TBX4: variants seen among roughly 807,000 people sequenced by gnomAD.
TBX4 encodes the protein T-box transcription factor 4, also known as T-box transcription factor TBX4.
TBX4 carries 13 observed loss-of-function variants against 54.6 expected under a neutral mutation model. The observed-to-expected ratio is 0.24, with a 90% confidence interval of 0.15 to 0.38. The LOEUF (loss-of-function observed/expected upper bound fraction) is 0.38, where lower values mean the gene tolerates loss of function less well. Ranked by LOEUF, TBX4 falls within the 10% of genes least tolerant of loss-of-function variation. The probability of loss-of-function intolerance (pLI) is 1.00; values close to 1 mark genes in which losing one functional copy is unlikely to be tolerated. For synonymous variants in TBX4, 314 were observed against 306.7 expected (o/e 1.02, Z -0.25); for missense variants, 631 against 728.5 (o/e 0.87, Z 1.54).
At chr17:61,477,429 C>A (rs756709998) in intron 5 of TBX4, among the ~76,000 whole-genome samples, 41 of 152,212 alleles carry the variant, frequency 2.7e-4, no homozygotes, top group Non-Finnish European at 5.4e-4. Context: ...CGCGGCAACC[C>A]GCCTCCCCCA....
chr17:61,458,406 A>C (rs544483331), intron 3 of TBX4, among the ~76,000 whole-genome samples: 45 of 152,102 alleles, frequency 3.0e-4, no homozygotes, highest in African/African-American at 9.2e-4. Flanking sequence ...AGACGCTGGC[A>C]AGTTCAGGTT....
At chr17:61,452,982 A>AGAT in intron 1 of TBX4, 1 of 985,466 alleles carries the variant, frequency 1.0e-6, no homozygotes, top group Non-Finnish European at 1.2e-6. Context: ...AAATCCGTGT[A>AGAT]GATATGTGAG....
Position 61,472,095 on chromosome 17 carries a change from G to A in TBX4, c.549+4438G>A, listed in dbSNP as rs1050063136. Among the ~76,000 whole-genome samples, 6 of 152,050 alleles carry A rather than the reference G, an allele frequency of 3.9e-5. No individual in the cohort carries two copies. Among genetic ancestry groups the A allele is most frequent in the South Asian group, 4.1e-4 (2 of 4,832 alleles). On this transcript the variant is annotated intron_variant, in intron 5 of 8. Transcript: ENST00000644296. This position sits in a 1 kb window ranked among gnomAD's most constrained non-coding sequence, Gnocchi z 4.5. The stretch of plus-strand genomic sequence containing the variant: ...GATTGTTTCAGAAATCATGTAGCCA[G>A]TTCTTGTTGAAGGAATTAGATGTTT...
In TBX4 at chr17:61,476,612, C is replaced by A. The variant is rs546794713; in HGVS notation, c.550-2015C>A. Reference sequence around the variant, plus strand: ...GACATCGAGGCCTCTCTGAGCGGGACCTGTGTCCTGTAGCCTCACTCTGCA... The same window carrying A: ...GACATCGAGGCCTCTCTGAGCGGGAACTGTGTCCTGTAGCCTCACTCTGCA... On this transcript the variant is annotated intron_variant, in intron 5 of 8. Coordinates refer to ENST00000644296, the MANE Select transcript of TBX4 (RefSeq NM_001321120.2). The surrounding 1 kb of genome is among the most constrained non-coding windows in gnomAD (Gnocchi z 6.5). Among the ~76,000 whole-genome samples, 5 of 152,262 alleles carry A rather than the reference C, an allele frequency of 3.3e-5. No homozygotes were observed. Among genetic ancestry groups the A allele is most frequent in the Non-Finnish European group, 7.3e-5 (5 of 68,050 alleles).
chr17:61,471,515 C>A (rs949770282), intron 5 of TBX4, among the ~76,000 whole-genome samples: 3 of 151,298 alleles, frequency 2.0e-5, no homozygotes, highest in Non-Finnish European at 4.4e-5. Context: ...CCAGTACAGG[C>A]AACCATGGCT....
At position 61,483,448 on chromosome 17, in the gene TBX4, T is replaced by G; in HGVS notation, c.1573T>G (p.Leu525Val). ...NEFLYSQTFSLSRESSLQYHS... is the reference protein window; with the variant it reads ...NEFLYSQTFSVSRESSLQYHS... ...GTTTCTCTACTCTCAAACCTTCTCC[T>G]TGTCCCGAGAATCTTCCTTACAGTA... The change falls in exon 9 of 9, where the codon TTG becomes GTG. Residue 525 changes from leucine (L) to valine (V), a missense_variant. Physicochemically the swap from Leu to Val is conservative, Grantham distance 32. Coordinates refer to ENST00000644296, the MANE Select transcript of TBX4 (RefSeq NM_001321120.2). The surrounding 1 kb of genome is among the most constrained non-coding windows in gnomAD (Gnocchi z 6.6). The G allele has an allele frequency of 6.2e-7, 1 of 1,614,188 alleles. No individual in the cohort carries two copies. The highest frequency in any genetic ancestry group is 1.1e-5 in the South Asian group (1 of 91,066).
In TBX4 at chr17:61,480,709, A is replaced by G. The variant is rs2060657954; in HGVS notation, c.1021+390A>G. On this transcript the variant is annotated intron_variant, in intron 8 of 8. Coordinates refer to ENST00000644296, the MANE Select transcript of TBX4 (RefSeq NM_001321120.2). This position sits in a 1 kb window ranked among gnomAD's most constrained non-coding sequence, Gnocchi z 6.2. ...TTGGGATTGGGGCTGTTGTTTGTCAAAGCAACCTCAATTCCAGAACAGGGA... is the reference window on the plus strand; with the variant it reads ...TTGGGATTGGGGCTGTTGTTTGTCAGAGCAACCTCAATTCCAGAACAGGGA... Among the ~76,000 whole-genome samples the G allele has an allele frequency of 6.9e-6, 1 of 145,966 alleles. No homozygotes were observed. Among genetic ancestry groups the G allele is most frequent in the Admixed American group, 6.8e-5 (1 of 14,756 alleles).
rs2060493358 is a variant in TBX4, at chr17:61,461,397, C to T, written c.281+3766C>T. On this transcript the variant is annotated intron_variant, in intron 3 of 8. Coordinates refer to ENST00000644296, the MANE Select transcript of TBX4 (RefSeq NM_001321120.2). The surrounding 1 kb of genome is among the most constrained non-coding windows in gnomAD (Gnocchi z 5.1). ...TGGCACCAGCAGCCCCACTCCTAAC[C>T]CCAGCCTTGGATGCTGGGCCCTGGC... Among the ~76,000 whole-genome samples, 1 of 152,112 alleles carries T rather than the reference C, an allele frequency of 6.6e-6. No individual in the cohort carries two copies. Among genetic ancestry groups the T allele is most frequent in the Admixed American group, 6.6e-5 (1 of 15,266 alleles).
In TBX4 at chr17:61,479,957, C is replaced by A. The variant is rs1218608364; in HGVS notation, c.779C>A (p.Ala260Asp). ...AGTGATGACAGTGACCTGCGTGTGGCCCGACTGCAGAGGTGGGGCTGCGTA... is the reference window on the plus strand; with the variant it reads ...AGTGATGACAGTGACCTGCGTGTGGACCGACTGCAGAGGTGGGGCTGCGTA... ...RGSDDSDLRVARLQSKEYPVI... is the reference protein window; with the variant it reads ...RGSDDSDLRVDRLQSKEYPVI... Residue 260 changes from alanine (A) to aspartate (D), a missense_variant, in exon 7 of 9, where the codon GCC becomes GAC. By Grantham distance (126) the Ala-to-Asp change is moderately radical. This residue lies in a region of TBX4 where 154 missense variants were observed against 238.6 expected (regional missense o/e 0.65). Transcript: ENST00000644296. The surrounding 1 kb of genome is among the most constrained non-coding windows in gnomAD (Gnocchi z 6.1). 6.2e-7 allele frequency: 1 copy of A among 1,613,942 alleles called. No homozygotes were observed. Among genetic ancestry groups the A allele is most frequent in the African/African-American group, 1.3e-5 (1 of 74,890 alleles).
rs547983281 is a variant in TBX4, at chr17:61,479,189, T to C, written c.702+410T>C. Among the ~76,000 whole-genome samples the C allele has an allele frequency of 6.6e-6, 1 of 152,112 alleles. No homozygotes were observed. The stretch of plus-strand genomic sequence containing the variant: ...CCCTGGGGTGCTGTCAGCTGGGGTG[T>C]GGAAGCAGAGCCTGAGCGGAGGCCC... On this transcript the variant is annotated intron_variant, in intron 6 of 8. Coordinates refer to ENST00000644296, the MANE Select transcript of TBX4 (RefSeq NM_001321120.2). The surrounding 1 kb of genome is among the most constrained non-coding windows in gnomAD (Gnocchi z 6.1).
chr17:61,454,576 C>T (rs891264609), intron 1 of TBX4, among the ~76,000 whole-genome samples: 2 of 152,222 alleles, frequency 1.3e-5, no homozygotes, highest in East Asian at 3.9e-4. Context: ...CAAGCTGTCC[C>T]GAGGTCTGGA....
chr17:61,467,471 C>A, intron 4 of TBX4, 39 bp from the exon 5 acceptor site: 1 of 1,614,048 alleles, frequency 6.2e-7, no homozygotes, highest in African/African-American at 1.3e-5. Flanking sequence ...CTCACCAGCC[C>A]CTGGAGTAAT....
Position 61,472,995 on chromosome 17 carries a change from A to G in TBX4, c.549+5338A>G, listed in dbSNP as rs1045014274. Reference sequence around the variant, plus strand: ...GGACTGGGCCTCCTTGATCTTCTTCAGAGTTTTCTTGGCTAGTCTTGTCTA... The same window carrying G: ...GGACTGGGCCTCCTTGATCTTCTTCGGAGTTTTCTTGGCTAGTCTTGTCTA... On this transcript the variant is annotated intron_variant, in intron 5 of 8. Coordinates refer to ENST00000644296, the MANE Select transcript of TBX4 (RefSeq NM_001321120.2). The surrounding 1 kb of genome is among the most constrained non-coding windows in gnomAD (Gnocchi z 4.5). 6.6e-6 allele frequency among the ~76,000 whole-genome samples: 1 copy of G among 152,282 alleles called. No individual in the cohort carries two copies. Among genetic ancestry groups the G allele is most frequent in the Non-Finnish European group, 1.5e-5 (1 of 68,026 alleles).
At chr17:61,467,776 C>T in intron 5 of TBX4, 119 bp downstream of exon 5, 1 of 1,324,180 alleles carries the variant, frequency 7.6e-7, no homozygotes, top group Non-Finnish European at 1.1e-6. Flanking sequence ...CTTTGGCGCT[C>T]ACTGACCAGT....
rs772981689 is a variant in TBX4 at position 61,457,314 on chromosome 17, G to C, written c.187-223G>C. 1.3e-5 allele frequency among the ~76,000 whole-genome samples: 2 copies of C among 152,178 alleles called. No homozygotes were observed. The highest frequency in any genetic ancestry group is 2.9e-5 in the Non-Finnish European group (2 of 68,030). ...CTGGCCACTATGTGTGTCCTCTGAG[G>C]GTTCCTCCGTAGGTGCAGCTTTAAA... is the stretch of plus-strand genomic sequence containing the variant. On this transcript the variant is annotated intron_variant, in intron 2 of 8. Transcript: ENST00000644296. The surrounding 1 kb of genome is among the most constrained non-coding windows in gnomAD (Gnocchi z 8.2).
At chr17:61,454,278 G>GAAAC (rs2060431870) in intron 1 of TBX4, among the ~76,000 whole-genome samples, 1 of 152,242 alleles carries the variant, frequency 6.6e-6, no homozygotes, top group Non-Finnish European at 1.5e-5. Context: ...CCTAGTGCAA[G>GAAAC]AAACATATCC....
chr17:61,484,931 A>AAAAC lies in TBX4; in HGVS notation c.*1417_*1420dup, dbSNP rs899483461. ...ATTAAAAACTAAGAATGGTTTAGAT[A>AAAAC]AAACATATAAATAAATATATATATA... On this transcript the variant is annotated 3_prime_UTR_variant, in exon 9 of 9. Coordinates refer to ENST00000644296, the MANE Select transcript of TBX4 (RefSeq NM_001321120.2). This position sits in a 1 kb window ranked among gnomAD's most constrained non-coding sequence, Gnocchi z 4.1. 2.4e-5 allele frequency: 3 copies of AAAAC among 127,368 alleles called. No homozygotes were observed. The highest frequency in any genetic ancestry group is 8.8e-5 in the African/African-American group (3 of 33,932). The allele number at this position is 127,368 out of a possible 1,614,324, so 7.9% of individuals were successfully genotyped here. A position where few individuals can be genotyped will look rare whatever the true frequency, so the allele number is the denominator to read the frequency against.
At chr17:61,454,374 C>A (rs1443836071) in intron 1 of TBX4, among the ~76,000 whole-genome samples, 1 of 152,268 alleles carries the variant, frequency 6.6e-6, no homozygotes, top group Non-Finnish European at 1.5e-5. Context: ...GCAAAGGCAG[C>A]GGAGGTTGCG....
chr17:61,459,719 A>C lies in TBX4; in HGVS notation c.281+2088A>C, dbSNP rs2060481227. ...GAGATGGACCTTAGGGAATTATGAT[A>C]ATATTTCTAAAATGGCTGTGATGAT... On this transcript the variant is annotated intron_variant, in intron 3 of 8. Transcript: ENST00000644296. The surrounding 1 kb of genome is among the most constrained non-coding windows in gnomAD (Gnocchi z 4.8). Among the ~76,000 whole-genome samples the C allele has an allele frequency of 6.6e-6, 1 of 152,156 alleles. No individual in the cohort carries two copies. Among genetic ancestry groups the C allele is most frequent in the Non-Finnish European group, 1.5e-5 (1 of 68,034 alleles).
Sources: allele counts gnomAD v4.1 joint callset (sites outside exome capture counted in the v4.1 genomes callset), GRCh38; gene constraint gnomAD v4.1.1; regional missense constraint gnomAD v4.1.1; non-coding constraint Gnocchi (gnomAD v3.1); transcripts MANE v1.5; gene names NCBI Gene and HGNC (gene_info 2026-07-23, HGNC 2026-07-21).